The following PUDP variants were observed in gnomAD, a reference collection of about 807,000 sequenced individuals.
PUDP encodes pseudouridine-5'-phosphatase.
A neutral mutation model predicts 9.4 loss-of-function variants in PUDP; 8 were observed. The observed-to-expected ratio is 0.85, with a 90% CI of 0.50 to 1.53. The LOEUF (loss-of-function observed/expected upper bound fraction) is 1.53. PUDP is among the 40% of genes most tolerant of loss of function. The pLI is 0.00. For synonymous variants in PUDP, 99 were observed against 80.7 expected (o/e 1.23, Z -1.22); for missense variants, 188 against 189.7 (o/e 0.99, Z 0.05).
intron 1 of PUDP, among the ~76,000 whole-genome samples, chrX:7,144,683 C>A (rs1434761033): frequency 9.0e-6 from 1 of 111,511 alleles, no homozygotes; most frequent in African/African-American, 3.3e-5. Context: ...CTTCATTTTA[C>A]TAAAGGTGAA....
At position 7,148,126 on chromosome X, in the gene PUDP, T is replaced by A. The variant is rs760923759; in HGVS notation, c.-13A>T. The A allele has an allele frequency of 1.3e-5, 14 of 1,099,544 alleles. No homozygotes were observed. Among genetic ancestry groups the A allele is most frequent in the Non-Finnish European group, 1.7e-5 (14 of 829,082 alleles). 90.6% of individuals were successfully genotyped at this position (1,099,544 alleles called of 1,213,427 possible). The stretch of plus-strand genomic sequence containing the variant: ...GGGGCGCCGCCATGGTGGCGCCTTC[T>A]GGGTCTGGGTGGGGGCGAGGAGGAA... On this transcript the variant is annotated 5_prime_UTR_variant, in exon 1 of 4. Transcript: ENST00000381077.
chrX:6,756,883 G>A (rs1429709336), intron 3 of PUDP, among the ~76,000 whole-genome samples: 2 of 112,135 alleles, frequency 1.8e-5, no homozygotes, highest in Non-Finnish European at 3.8e-5. Context: ...TTTCTCTTAG[G>A]CTACAGGAAC....
chrX:6,964,531 G>A (rs1477261704), intron 3 of PUDP, among the ~76,000 whole-genome samples: 6 of 110,586 alleles, frequency 5.4e-5, no homozygotes, highest in Admixed American at 9.7e-5. Context: ...AAAATTAGCT[G>A]GGCGTGGTGG....
chrX:6,884,941 A>G (rs1275315044), intron 3 of PUDP, among the ~76,000 whole-genome samples: 9 of 112,175 alleles, frequency 8.0e-5, no homozygotes, highest in Non-Finnish European at 1.7e-4. Flanking sequence ...CTGAGATGGC[A>G]TTAAGTGAGC....
intron 3 of PUDP, among the ~76,000 whole-genome samples, chrX:6,962,135 C>A (rs1391146998): frequency 8.9e-6 from 1 of 111,766 alleles, no homozygotes; most frequent in African/African-American, 3.3e-5. Context: ...ATACAAAATT[C>A]ATTCCCTGTG....
chrX:6,774,147 G>A (rs1213581219), intron 3 of PUDP, among the ~76,000 whole-genome samples: 1 of 111,517 alleles, frequency 9.0e-6, no homozygotes, highest in Non-Finnish European at 1.9e-5. Context: ...AGAAACAACA[G>A]CAAAAAAAGT....
chrX:6,725,378 A>G (rs1394950390), upstream of PUDP, among the ~76,000 whole-genome samples: 1 of 110,750 alleles, frequency 9.0e-6, no homozygotes, highest in Non-Finnish European at 1.9e-5. Context: ...CTCATCCTTC[A>G]CCCCCTTCTC....
At chrX:6,846,692 A>G (rs1185281435) in intron 3 of PUDP, among the ~76,000 whole-genome samples, 1 of 111,943 alleles carries the variant, frequency 8.9e-6, no homozygotes, top group Non-Finnish European at 1.9e-5. Context: ...TCTAACTTGT[A>G]TTAAGAAAAA....
At chrX:6,968,541 G>T (rs933110801) in intron 3 of PUDP, among the ~76,000 whole-genome samples, 1 of 111,339 alleles carries the variant, frequency 9.0e-6, no homozygotes, top group Non-Finnish European at 1.9e-5. Context: ...GGGAGAGTTT[G>T]GTGTCACCAT....
intron 1 of PUDP, among the ~76,000 whole-genome samples, chrX:6,992,747 G>A (rs12838363): frequency 0.21 from 22,844 of 110,731 alleles, 1,955 homozygotes; most frequent in Admixed American, 0.36. Context: ...GCAAAGTACT[G>A]TTCCTGGGTG....
At chrX:6,978,240 A>G (rs1928982389) in exon 2 of PUDP, among the ~76,000 whole-genome samples, 1 of 111,651 alleles carries the variant, frequency 9.0e-6, no homozygotes, top group Admixed American at 9.5e-5. Flanking sequence ...TAGATCATGT[A>G]TCCTTGGAGA....
At chrX:6,914,268 C>CAAGCTA (rs1474560876) in intron 3 of PUDP, among the ~76,000 whole-genome samples, 4 of 109,625 alleles carry the variant, frequency 3.6e-5, no homozygotes, top group African/African-American at 1.3e-4. Flanking sequence ...AAAGGGCCAA[C>CAAGCTA]AAGCTAAAGT....
intron 3 of PUDP, among the ~76,000 whole-genome samples, chrX:6,967,983 A>G (rs1231460543): frequency 8.9e-6 from 1 of 111,747 alleles, no homozygotes; most frequent in Non-Finnish European, 1.9e-5. Context: ...GGGTTTCCAC[A>G]CTCAGTCCAT....
intron 3 of PUDP, among the ~76,000 whole-genome samples, chrX:6,929,339 A>T (rs1202280389): frequency 8.9e-6 from 1 of 112,556 alleles, no homozygotes; most frequent in Non-Finnish European, 1.9e-5. Flanking sequence ...ATTTAGGGAA[A>T]CATAAGGCAT....
chrX:6,720,287 T>TATATATACAC (rs1162322257), intron 1 of PUDP, among the ~76,000 whole-genome samples: 4 of 83,139 alleles, frequency 4.8e-5, no homozygotes, highest in African/African-American at 2.0e-4. Flanking sequence ...TATATATATA[T>TATATATACAC]ACACACACAC....
rs779812164 is a variant in PUDP, at chrX:6,974,677, C to T, written c.*247+2456G>A. 4.2e-3 allele frequency among the ~76,000 whole-genome samples: 473 copies of T among 111,364 alleles called. 3 individuals carry two copies. Among genetic ancestry groups the T allele is most frequent in the African/African-American group, 0.014 (430 of 30,658 alleles). On this transcript the variant is annotated intron_variant and NMD_transcript_variant, in intron 3 of 3. Transcript: ENST00000655425. ...TTCATTTCAACCTTGGTGAATCTGA[C>T]GATTATGTGTCTTGGGGTTGCTCTT... is the stretch of plus-strand genomic sequence containing the variant.
At chrX:7,133,521 C>T (rs1255634410) in intron 1 of PUDP, among the ~76,000 whole-genome samples, 1 of 111,977 alleles carries the variant, frequency 8.9e-6, no homozygotes, top group African/African-American at 3.2e-5. Context: ...AAAAGGGTGC[C>T]CTCTGCACCT....
downstream of PUDP, among the ~76,000 whole-genome samples, chrX:7,048,110 A>C (rs1355162229): frequency 8.9e-6 from 1 of 112,110 alleles, no homozygotes; most frequent in Non-Finnish European, 1.9e-5. Flanking sequence ...AATAAGTAGT[A>C]ATCAGTAAGT....
chrX:6,884,428 T>A (rs1438080273), intron 3 of PUDP, among the ~76,000 whole-genome samples: 1 of 111,836 alleles, frequency 8.9e-6, no homozygotes, highest in African/African-American at 3.2e-5. Context: ...TGGGCTAGGA[T>A]GTAAGCCTCA....
Sources: allele counts gnomAD v4.1 joint callset (sites outside exome capture counted in the v4.1 genomes callset), GRCh38; gene constraint gnomAD v4.1.1; transcripts MANE v1.5; gene names NCBI Gene and HGNC (gene_info 2026-07-23, HGNC 2026-07-21).